Variants in LINGO2 observed in about 807,000 individuals in gnomAD.
LINGO2 encodes the protein leucine rich repeat and Ig domain containing 2, also known as leucine-rich repeat and immunoglobulin-like domain-containing nogo receptor-interacting protein 2.
LINGO2 carries 14 observed loss-of-function variants against 30.6 expected under a neutral mutation model. The ratio of observed to expected loss-of-function variants is 0.46; its 90% CI spans 0.30 to 0.72. The LOEUF (loss-of-function observed/expected upper bound fraction) is 0.72, where lower values mean the gene tolerates loss of function less well. Ranked by LOEUF, LINGO2 falls within the 30% of genes least tolerant of loss-of-function variation. The pLI, the probability that LINGO2 is intolerant of heterozygous loss-of-function variation, is 0.07. For missense variants in LINGO2, 729 were observed against 751.7 expected, an observed-to-expected ratio of 0.97 and a Z score of 0.35; for synonymous variants, 317 against 288.5, an observed-to-expected ratio of 1.10 and a Z score of -1.00.
At chr9:29,122,778 A>G in the LINGO2 span, among the ~76,000 whole-genome samples, 1 of 152,112 alleles carries the variant, frequency 6.6e-6, no homozygotes, top group Non-Finnish European at 1.5e-5. Context: ...CTCTGTCCAT[A>G]TACTATGACC....
the LINGO2 span, among the ~76,000 whole-genome samples, chr9:29,068,564 T>C: frequency 1.3e-5 from 2 of 151,886 alleles, no homozygotes; most frequent in African/African-American, 2.4e-5. Flanking sequence ...ACAAGCTGAA[T>C]ATTATATTTC....
intron 3 of LINGO2, among the ~76,000 whole-genome samples, chr9:28,299,700 G>A (rs903267219): frequency 1.3e-5 from 2 of 152,112 alleles, no homozygotes; most frequent in Admixed American, 1.3e-4. Flanking sequence ...AAATGGAGCT[G>A]TGATTTCAAT....
At chr9:28,734,308 T>C in the LINGO2 span, among the ~76,000 whole-genome samples, 1 of 152,266 alleles carries the variant, frequency 6.6e-6, no homozygotes, top group South Asian at 2.1e-4. Context: ...AGGACTCACA[T>C]CCCAGGCGGG....
At chr9:28,770,763 A>G in the LINGO2 span, among the ~76,000 whole-genome samples, 11 of 152,352 alleles carry the variant, frequency 7.2e-5, no homozygotes, top group African/African-American at 2.2e-4. Context: ...AATAAGGCAT[A>G]TGGATGAGGG....
At chr9:28,226,622 A>C (rs895558981) in intron 4 of LINGO2, among the ~76,000 whole-genome samples, 45 of 89,108 alleles carry the variant, frequency 5.1e-4, no homozygotes, top group African/African-American at 1.8e-3. Flanking sequence ...TAAGAAGGAA[A>C]GAAGGAAAGA....
the LINGO2 span, among the ~76,000 whole-genome samples, chr9:28,997,030 T>C: frequency 6.6e-6 from 1 of 152,216 alleles, no homozygotes; most frequent in East Asian, 1.9e-4. Context: ...TAATTTTGAA[T>C]ATGCCTAATT....
intron 1 of LINGO2, among the ~76,000 whole-genome samples, chr9:28,595,690 G>T (rs1049971149): frequency 6.6e-6 from 1 of 152,012 alleles, no homozygotes. Context: ...TATAATATAT[G>T]ATTTACTACC....
intron 2 of LINGO2, among the ~76,000 whole-genome samples, chr9:28,376,150 G>C (rs1821121954): frequency 6.6e-6 from 1 of 151,880 alleles, no homozygotes; most frequent in South Asian, 2.1e-4. Context: ...TGTTGAGGAG[G>C]GGTTCAGATC....
chr9:29,173,673 C>T, the LINGO2 span, among the ~76,000 whole-genome samples: 2 of 152,076 alleles, frequency 1.3e-5, no homozygotes, highest in Non-Finnish European at 2.9e-5. Flanking sequence ...ATGTTAATCT[C>T]ATTCTTTTAA....
chr9:28,322,779 C>G (rs959748608), intron 3 of LINGO2, among the ~76,000 whole-genome samples: 1 of 152,024 alleles, frequency 6.6e-6, no homozygotes, highest in African/African-American at 2.4e-5. Flanking sequence ...TATAGACAAC[C>G]TCAATAAATT....
intron 1 of LINGO2, among the ~76,000 whole-genome samples, chr9:28,630,416 A>G (rs1027030853): frequency 2.6e-5 from 4 of 152,054 alleles, no homozygotes; most frequent in Non-Finnish European, 2.9e-5. Flanking sequence ...CACTCAAGAA[A>G]TTGATCAGTT....
chr9:28,368,061 T>C (rs1018930156), intron 3 of LINGO2, among the ~76,000 whole-genome samples: 5 of 152,194 alleles, frequency 3.3e-5, no homozygotes, highest in African/African-American at 1.2e-4. Context: ...TCTGTATCTC[T>C]ATCTCTATCT....
the LINGO2 span, among the ~76,000 whole-genome samples, chr9:28,835,634 G>T: frequency 6.6e-6 from 1 of 152,168 alleles, no homozygotes; most frequent in Admixed American, 6.5e-5. Context: ...TGGAAATGGG[G>T]TTGAGAGCCA....
chr9:28,471,589 A>C (rs750469036), intron 2 of LINGO2, among the ~76,000 whole-genome samples: 7 of 152,174 alleles, frequency 4.6e-5, no homozygotes, highest in Admixed American at 3.3e-4. Context: ...AGTTATAGGA[A>C]AGTTAATTAA....
the LINGO2 span, among the ~76,000 whole-genome samples, chr9:29,079,532 A>C: frequency 6.6e-6 from 1 of 152,010 alleles, no homozygotes; most frequent in African/African-American, 2.4e-5. Context: ...TTCTCTACAT[A>C]CTAGCTTACC....
intron 4 of LINGO2, among the ~76,000 whole-genome samples, chr9:28,143,734 G>A (rs2133508508): frequency 6.6e-6 from 1 of 151,920 alleles, no homozygotes; most frequent in Admixed American, 6.6e-5. Flanking sequence ...AATGAGAAAA[G>A]GAAACTTTAG....
chr9:29,085,303 A>T, the LINGO2 span, among the ~76,000 whole-genome samples: 1 of 125,884 alleles, frequency 7.9e-6, no homozygotes, highest in African/African-American at 2.9e-5. Context: ...AAAAAAAAAA[A>T]AAAAAAAAGA....
chr9:28,583,834 G>C (rs986728180), intron 1 of LINGO2, among the ~76,000 whole-genome samples: 1 of 152,008 alleles, frequency 6.6e-6, no homozygotes, highest in Non-Finnish European at 1.5e-5. Context: ...AATCCCCAAT[G>C]CAGCAGTATC....
chr9:28,212,608 T>G (rs1820630535), intron 4 of LINGO2, among the ~76,000 whole-genome samples: 1 of 151,490 alleles, frequency 6.6e-6, no homozygotes, highest in Non-Finnish European at 1.5e-5. Context: ...TTGATTTTAA[T>G]CATGTAAAGT....
Sources: allele counts gnomAD v4.1 joint callset (sites outside exome capture counted in the v4.1 genomes callset), GRCh38; gene constraint gnomAD v4.1.1; transcripts MANE v1.5; gene names NCBI Gene and HGNC (gene_info 2026-07-23, HGNC 2026-07-21).